ADGRB1: variants seen among roughly 807,000 people sequenced by gnomAD.
ADGRB1 encodes the protein adhesion G protein-coupled receptor B1, also known as brain-specific angiogenesis inhibitor 1.
In ADGRB1, 36 loss-of-function variants were observed where a neutral mutation model predicts 175.7. That is an observed-to-expected ratio of 0.20 (90% CI 0.16 to 0.27). The LOEUF (loss-of-function observed/expected upper bound fraction) is 0.27. ADGRB1 is among the 10% of genes least tolerant of loss of function. The pLI is 1.00. For synonymous variants in ADGRB1, 1,054 were observed against 979.4 expected, an observed-to-expected ratio of 1.08 and a Z score of -1.42; for missense variants, 1,731 against 2,255.3, an observed-to-expected ratio of 0.77 and a Z score of 4.71.
At chr8:142,484,562 C>A in intron 12 of ADGRB1, 94 bp from the exon 13 acceptor site, 2 of 1,256,910 alleles carry the variant, frequency 1.6e-6, no homozygotes, top group Non-Finnish European at 2.2e-6. Flanking sequence ...TAGGAAATGG[C>A]CAATAAGAAA....
chr8:142,455,508 C>A lies in ADGRB1; in HGVS notation c.-220+5404C>A, dbSNP rs1839621636. On this transcript the variant is annotated intron_variant, in intron 1 of 30. Transcript: ENST00000517894. The surrounding 1 kb of genome is among the most constrained non-coding windows in gnomAD (Gnocchi z 4.9). ...GGAGAGGAGCATGCGGCAGGCTGGT[C>A]CCCTGCAGCCCACCAGGCAACTGGG... Among the ~76,000 whole-genome samples the A allele has an allele frequency of 6.6e-6, 1 of 152,184 alleles. No individual in the cohort carries two copies. The highest frequency in any genetic ancestry group is 2.4e-5 in the African/African-American group (1 of 41,446).
rs1277497980 is a variant in ADGRB1, at chr8:142,510,533, C to T, written c.2676-399C>T. Among the ~76,000 whole-genome samples the T allele has an allele frequency of 6.7e-6, 1 of 150,286 alleles. No individual in the cohort carries two copies. The highest frequency in any genetic ancestry group is 1.5e-5 in the Non-Finnish European group (1 of 67,440). On this transcript the variant is annotated intron_variant, in intron 17 of 30. Coordinates refer to ENST00000517894, the MANE Select transcript of ADGRB1 (RefSeq NM_001702.3). This position sits in a 1 kb window ranked among gnomAD's most constrained non-coding sequence, Gnocchi z 6.3. ...CCCCGCTCCACGTGCGCCCACGCGC[C>T]CCTCCGGGCCTCCCCCTCCTTCCCG...
chr8:142,543,444 T>G lies in ADGRB1; in HGVS notation c.4449+6T>G. The G allele has an allele frequency of 6.2e-7, 1 of 1,613,334 alleles. No individual in the cohort carries two copies. The highest frequency in any genetic ancestry group is 8.5e-7 in the Non-Finnish European group (1 of 1,179,674). Reference sequence around the variant, plus strand: ...ATGCAGAACTGGACTTTGAGGTGAGTTCTGGTGTCCCCCCCCACCAGACAC... The same window carrying G: ...ATGCAGAACTGGACTTTGAGGTGAGGTCTGGTGTCCCCCCCCACCAGACAC... On this transcript the variant is annotated splice_donor_region_variant and intron_variant, in intron 29 of 30. Coordinates refer to ENST00000517894, the MANE Select transcript of ADGRB1 (RefSeq NM_001702.3). This position sits in a 1 kb window ranked among gnomAD's most constrained non-coding sequence, Gnocchi z 4.4.
chr8:142,541,558 G>A (rs112240271), intron 27 of ADGRB1, among the ~76,000 whole-genome samples: 8 of 152,340 alleles, frequency 5.3e-5, no homozygotes, highest in Admixed American at 2.0e-4. Flanking sequence ...TTGGAGGGCC[G>A]GCTGGGCTCT....
At position 142,511,041 on chromosome 8, in the gene ADGRB1, T is replaced by G; in HGVS notation, c.2785T>G (p.Phe929Val). ...TRCLCDRLSTFAILAQLSADA... is the reference protein window; with the variant it reads ...TRCLCDRLSTVAILAQLSADA... Reference sequence around the variant, plus strand: ...CTGCCTCTGTGACCGGCTCTCCACCTTCGCCATCTTAGCCCAGCTCAGCGC... The same window carrying G: ...CTGCCTCTGTGACCGGCTCTCCACCGTCGCCATCTTAGCCCAGCTCAGCGC... Residue 929 changes from phenylalanine to valine, a missense_variant, in exon 18 of 31, where the codon TTC (phenylalanine) becomes GTC (valine). Coordinates refer to ENST00000517894, the MANE Select transcript of ADGRB1 (RefSeq NM_001702.3). The surrounding 1 kb of genome is among the most constrained non-coding windows in gnomAD (Gnocchi z 4.5). 2 of 1,290,214 alleles carry G rather than the reference T, an allele frequency of 1.6e-6. No homozygotes were observed. Among genetic ancestry groups the G allele is most frequent in the Non-Finnish European group, 2.0e-6 (2 of 1,000,680 alleles). The allele number at this position is 1,290,214 out of a possible 1,614,324, so 79.9% of individuals were successfully genotyped here.
intron 27 of ADGRB1, among the ~76,000 whole-genome samples, chr8:142,540,381 G>A (rs2132275123): frequency 6.6e-6 from 1 of 152,382 alleles, no homozygotes; most frequent in Non-Finnish European, 1.5e-5. Flanking sequence ...TAGGACTTGG[G>A]GCCTCAGGTG....
chr8:142,464,366 C>G lies in ADGRB1; in HGVS notation c.168C>G (p.Ser56=). 6.6e-7 allele frequency: 1 copy of G among 1,521,884 alleles called. No homozygotes were observed. The highest frequency in any genetic ancestry group is 8.8e-7 in the Non-Finnish European group (1 of 1,139,114). The allele number at this position is 1,521,884 out of a possible 1,614,324, so 94.3% of individuals were successfully genotyped here. ...LVQGKFFGYF[S]AAAVFPANAS... ...AGGGAAAGTTCTTCGGCTACTTCTC[C>G]GCGGCCGCCGTGTTCCCGGCCAACG... The change falls in exon 2 of 31, where the codon TCC becomes TCG. Residue 56 remains serine, a synonymous_variant. Transcript: ENST00000517894.
intron 24 of ADGRB1, among the ~76,000 whole-genome samples, chr8:142,527,448 C>A (rs1587417247): frequency 6.6e-6 from 1 of 152,136 alleles, no homozygotes; most frequent in East Asian, 1.9e-4. Context: ...CCCCAGTGAA[C>A]AGACGCTTTC....
chr8:142,479,868 G>A (rs2131816542), intron 9 of ADGRB1, 74 bp downstream of exon 9: 1 of 1,459,544 alleles, frequency 6.9e-7, no homozygotes, highest in South Asian at 1.3e-5. Flanking sequence ...CTGAGGTGCT[G>A]TCAGCACTGG....
At chr8:142,470,237 C>T (rs1215823043) in intron 2 of ADGRB1, among the ~76,000 whole-genome samples, 1 of 152,250 alleles carries the variant, frequency 6.6e-6, no homozygotes, top group African/African-American at 2.4e-5. Flanking sequence ...TCCCCACTGC[C>T]TCCCTTTGCA....
chr8:142,539,657 G>A, intron 27 of ADGRB1: 1 of 585,924 alleles, frequency 1.7e-6, no homozygotes, highest in Non-Finnish European at 3.0e-6. Flanking sequence ...GAAGCTTCCA[G>A]AACACTGCCC....
Position 142,504,708 on chromosome 8 carries a change from G to A in ADGRB1, c.2676-6224G>A, listed in dbSNP as rs968088881. Among the ~76,000 whole-genome samples, 4 of 152,136 alleles carry A rather than the reference G, an allele frequency of 2.6e-5. No individual in the cohort carries two copies. Among genetic ancestry groups the A allele is most frequent in the Non-Finnish European group, 4.4e-5 (3 of 68,002 alleles). The stretch of plus-strand genomic sequence containing the variant: ...GAGCCAGGCACTCCTGATGGATGAA[G>A]CATGACTAAGGGGCTTGTACCTAGG... On this transcript the variant is annotated intron_variant, in intron 17 of 30. Transcript: ENST00000517894. This position sits in a 1 kb window ranked among gnomAD's most constrained non-coding sequence, Gnocchi z 5.6.
chr8:142,494,715 A>G (rs1842133359), intron 17 of ADGRB1, among the ~76,000 whole-genome samples: 1 of 151,044 alleles, frequency 6.6e-6, no homozygotes, highest in Non-Finnish European at 1.5e-5. Context: ...TCCGTAACCA[A>G]ACCCCAACCT....
chr8:142,454,386 T>C (rs770083557), intron 1 of ADGRB1, among the ~76,000 whole-genome samples: 30 of 152,116 alleles, frequency 2.0e-4, no homozygotes, highest in Non-Finnish European at 3.7e-4. Context: ...AAAACCTGTG[T>C]CCCATTGTGG....
chr8:142,510,269 C>A lies in ADGRB1; in HGVS notation c.2676-663C>A, dbSNP rs1843014660. Among the ~76,000 whole-genome samples, 1 of 151,872 alleles carries A rather than the reference C, an allele frequency of 6.6e-6. No individual in the cohort carries two copies. The highest frequency in any genetic ancestry group is 6.6e-5 in the Admixed American group (1 of 15,262). ...GACAGCGGGCGGCTGGGTCAGACCGCAGAGGGAAGTTTCCAGCGGCAAGCC... is the reference window on the plus strand; with the variant it reads ...GACAGCGGGCGGCTGGGTCAGACCGAAGAGGGAAGTTTCCAGCGGCAAGCC... On this transcript the variant is annotated intron_variant, in intron 17 of 30. Transcript: ENST00000517894. The surrounding 1 kb of genome is among the most constrained non-coding windows in gnomAD (Gnocchi z 6.3).
intron 19 of ADGRB1, among the ~76,000 whole-genome samples, chr8:142,518,957 C>T (rs2132102209): frequency 6.6e-6 from 1 of 152,330 alleles, no homozygotes; most frequent in Non-Finnish European, 1.5e-5. Flanking sequence ...AACTGACTGC[C>T]TGTCTGCTGC....
chr8:142,479,292 C>A, intron 7 of ADGRB1, 31 bp from the exon 8 acceptor site: 1 of 1,465,112 alleles, frequency 6.8e-7, no homozygotes, highest in South Asian at 1.5e-5. Context: ...CTTCTTGTCG[C>A]CTGTGCCCTG....
At chr8:142,539,539 C>T in intron 27 of ADGRB1, 126 bp downstream of exon 27, 1 of 1,198,586 alleles carries the variant, frequency 8.3e-7, no homozygotes, top group Non-Finnish European at 1.2e-6. Context: ...CACCCACACC[C>T]AGCCACACCG....
intron 1 of ADGRB1, among the ~76,000 whole-genome samples, chr8:142,457,965 C>G (rs929983648): frequency 6.6e-6 from 1 of 152,226 alleles, no homozygotes. Flanking sequence ...TGCCTCCCAG[C>G]CCCCTGGGCA....
Sources: allele counts gnomAD v4.1 joint callset (sites outside exome capture counted in the v4.1 genomes callset), GRCh38; gene constraint gnomAD v4.1.1; non-coding constraint Gnocchi (gnomAD v3.1); transcripts MANE v1.5; gene names NCBI Gene and HGNC (gene_info 2026-07-23, HGNC 2026-07-21).